The following DKKL1 variants were observed in gnomAD, a reference collection of about 807,000 sequenced individuals.
DKKL1 encodes the protein dickkopf like acrosomal protein 1, also known as dickkopf-like protein 1.
In DKKL1, 11 loss-of-function variants were observed where a neutral mutation model predicts 16.5. That is an observed-to-expected ratio of 0.67 (90% CI 0.42 to 1.10). DKKL1 has a LOEUF of 1.10. DKKL1 is among the 50% of genes least tolerant of loss of function. DKKL1 has a pLI of 0.00. For missense variants in DKKL1, 320 were observed against 308.1 expected (o/e 1.04, Z -0.29); for synonymous variants, 119 against 133.2 (o/e 0.89, Z 0.73).
Position 49,364,607 on chromosome 19 carries a change from G to C in DKKL1, c.36G>C (p.Arg12=). ...GEASPPAPAR[R]HLLVLLLLLS... ...CCTCCCCACCTGCCCCCGCAAGGCG[G>C]CATCTGCTGGTCCTGCTGCTGCTCC... Residue 12 remains arginine (R), a synonymous_variant, in exon 2 of 5, where the codon CGG becomes CGC. Transcript: ENST00000221498. 8 of 1,612,634 alleles carry C rather than the reference G, an allele frequency of 5.0e-6. No homozygotes were observed. The highest frequency in any genetic ancestry group is 6.8e-6 in the Non-Finnish European group (8 of 1,179,872).
At chr19:49,363,549 C>T (rs1686981940), upstream of DKKL1, 3 of 319,642 alleles carry the variant, frequency 9.4e-6, no homozygotes, top group Admixed American at 4.5e-5. Context: ...GCGTGGCTTT[C>T]AGCCAAGGGG....
At chr19:49,371,424 C>T (rs562319478) in intron 4 of DKKL1, among the ~76,000 whole-genome samples, 3 of 152,172 alleles carry the variant, frequency 2.0e-5, no homozygotes, top group African/African-American at 7.2e-5. Context: ...GCTGTCATTG[C>T]GTCATCATAG....
Position 49,364,632 on chromosome 19 carries a change from C to G in DKKL1, c.61C>G (p.Leu21Val). 6.2e-7 allele frequency: 1 copy of G among 1,613,630 alleles called. No homozygotes were observed. The highest frequency in any genetic ancestry group is 1.3e-5 in the African/African-American group (1 of 75,042). The change falls in exon 2 of 5, where the codon CTC (leucine) becomes GTC (valine). Residue 21 changes from leucine to valine, a missense_variant. Leu to Val is a conservative substitution (Grantham distance 32, BLOSUM62 1). Transcript: ENST00000221498. Reference protein sequence around the residue: ...RRHLLVLLLLLSTLVIPSAAA... With the variant: ...RRHLLVLLLLVSTLVIPSAAA... ...GCATCTGCTGGTCCTGCTGCTGCTC[C>G]TCTCTACCCTGGTGATCCCCTCCGC...
Position 49,374,913 on chromosome 19 carries a change from G to T in DKKL1, c.614G>T (p.Arg205Leu). 6.2e-7 allele frequency: 1 copy of T among 1,613,956 alleles called. No individual in the cohort carries two copies. The highest frequency in any genetic ancestry group is 8.5e-7 in the Non-Finnish European group (1 of 1,179,958). Reference protein sequence around the residue: ...HRLQAIRDGLRKGTHKDVLEE... With the variant: ...HRLQAIRDGLLKGTHKDVLEE... ...CTGCAGGCCATCCGGGATGGACTCC[G>T]CAAGGGGACCCACAAGGACGTCCTA... The change falls in exon 5 of 5, where the codon CGC (arginine) becomes CTC (leucine). Residue 205 changes from arginine (R) to leucine (L), a missense_variant. Coordinates refer to ENST00000221498, the MANE Select transcript of DKKL1 (RefSeq NM_014419.4).
chr19:49,363,506 T>C (rs929011442), upstream of DKKL1: 4 of 227,122 alleles, frequency 1.8e-5, no homozygotes, highest in Non-Finnish European at 3.6e-5. Flanking sequence ...CGCAGGGGCG[T>C]GGTCCAGTGC....
chr19:49,375,042 G>C lies in DKKL1; in HGVS notation c.*14G>C. ...CGGCAGCTGTAGGGGTGGGGACCGG[G>C]GAGCACCTGCCTGTAGCCCCCATCA... On this transcript the variant is annotated 3_prime_UTR_variant, in exon 5 of 5. Transcript: ENST00000221498. The C allele has an allele frequency of 6.3e-7, 1 of 1,585,850 alleles. No homozygotes were observed. The highest frequency in any genetic ancestry group is 8.6e-7 in the Non-Finnish European group (1 of 1,166,174).
rs373172956 is a variant in DKKL1, at chr19:49,365,864, G to C, written c.396G>C (p.Gly132=). The C allele has an allele frequency of 3.7e-6, 6 of 1,614,138 alleles. No homozygotes were observed. Among genetic ancestry groups the C allele is most frequent in the Non-Finnish European group, 5.1e-6 (6 of 1,180,008 alleles). Residue 132 remains glycine (G), a synonymous_variant, in exon 4 of 5, where the codon GGG becomes GGC. Coordinates refer to ENST00000221498, the MANE Select transcript of DKKL1 (RefSeq NM_014419.4). ...TGGCATCCATTCAACCAGCGGAGGGGAGCTTCGAGGGTGATTTGAAGGTTA... is the reference window on the plus strand; with the variant it reads ...TGGCATCCATTCAACCAGCGGAGGGCAGCTTCGAGGGTGATTTGAAGGTTA... ...NVVASIQPAE[G]SFEGDLKVPR...
chr19:49,367,862 T>C (rs559654195), intron 4 of DKKL1, among the ~76,000 whole-genome samples: 1 of 152,286 alleles, frequency 6.6e-6, no homozygotes, highest in East Asian at 1.9e-4. Flanking sequence ...ATTTTAAAAA[T>C]GTTTATTTAA....
chr19:49,371,538 A>G (rs116241515), intron 4 of DKKL1, among the ~76,000 whole-genome samples: 4,422 of 150,664 alleles, frequency 0.029, 233 homozygotes, highest in African/African-American at 0.1. Context: ...ATGATCTTTT[A>G]TGCTTTGTAT....
At chr19:49,368,733 T>A (rs1287386922) in intron 4 of DKKL1, 1 of 152,180 alleles carries the variant, frequency 6.6e-6, no homozygotes, top group Admixed American at 6.6e-5. Context: ...TAACTTTTTT[T>A]AAGCCTCTTT....
chr19:49,373,748 CAT>C (rs1259796300), intron 4 of DKKL1, among the ~76,000 whole-genome samples: 15 of 152,172 alleles, frequency 9.9e-5, no homozygotes, highest in Non-Finnish European at 1.6e-4. Flanking sequence ...GGATTACACA[CAT>C]GAGCCACCGC....
chr19:49,366,084 C>A (rs146453918), intron 4 of DKKL1, among the ~76,000 whole-genome samples, 199 bp downstream of exon 4: 1 of 152,084 alleles, frequency 6.6e-6, no homozygotes, highest in Non-Finnish European at 1.5e-5. Context: ...CCTGCCACCA[C>A]GCCCGGCTAA....
intron 4 of DKKL1, among the ~76,000 whole-genome samples, chr19:49,367,406 C>CTT (rs10648468): frequency 0.03 from 3,937 of 131,746 alleles, 231 homozygotes; most frequent in African/African-American, 0.11. Flanking sequence ...CTTTGGTAAA[C>CTT]TTTTTTTTTT....
chr19:49,366,020 G>A (rs562819718), intron 4 of DKKL1, 135 bp downstream of exon 4: 130 of 744,834 alleles, frequency 1.7e-4, no homozygotes, highest in Middle Eastern at 9.3e-4. Flanking sequence ...CTCCGCCTCC[G>A]AAGTTCAGGC....
intron 4 of DKKL1, among the ~76,000 whole-genome samples, chr19:49,373,806 G>A (rs563375625): frequency 1.2e-4 from 18 of 152,060 alleles, no homozygotes; most frequent in Admixed American, 8.5e-4. Context: ...TCTCCTGCGC[G>A]GCTTCTCAGA....
In DKKL1 at chr19:49,374,281, T is replaced by C. The variant is rs138393810; in HGVS notation, c.418-436T>C. 5.1e-3 allele frequency among the ~76,000 whole-genome samples: 773 copies of C among 152,328 alleles called. 8 individuals carry two copies. Among genetic ancestry groups the C allele is most frequent in the African/African-American group, 0.017 (722 of 41,578 alleles). On this transcript the variant is annotated intron_variant, in intron 4 of 4. Transcript: ENST00000221498. ...GATTACAGGCATGAGCCACTGCACC[T>C]GGCCCCTTGAAAGCTTTTGATTCAG...
chr19:49,360,884 C>A (rs116624483), upstream of DKKL1, among the ~76,000 whole-genome samples: 534 of 117,354 alleles, frequency 4.6e-3, 6 homozygotes, highest in African/African-American at 0.018. Flanking sequence ...GGGATAGAGA[C>A]CCAGAGACAG....
chr19:49,373,990 T>A (rs962182228), intron 4 of DKKL1, among the ~76,000 whole-genome samples: 3 of 151,998 alleles, frequency 2.0e-5, no homozygotes, highest in Non-Finnish European at 4.4e-5. Context: ...GCTTTATTTT[T>A]TTTTTTTCCC....
At chr19:49,361,878 G>C (rs1186217953), upstream of DKKL1, 2 of 152,646 alleles carry the variant, frequency 1.3e-5, no homozygotes, top group Non-Finnish European at 2.9e-5. Context: ...CCTTCCCCAT[G>C]TGGCCAGACA....
Sources: allele counts gnomAD v4.1 joint callset (sites outside exome capture counted in the v4.1 genomes callset), GRCh38; gene constraint gnomAD v4.1.1; transcripts MANE v1.5; gene names NCBI Gene and HGNC (gene_info 2026-07-23, HGNC 2026-07-21).